MTAP: variants seen among roughly 807,000 people sequenced by gnomAD.
The protein encoded by MTAP is S-methyl-5'-thioadenosine phosphorylase.
A neutral mutation model predicts 33.6 loss-of-function variants in MTAP; 33 were observed. The observed-to-expected ratio is 0.98, with a 90% CI of 0.74 to 1.31. The LOEUF (loss-of-function observed/expected upper bound fraction) is 1.31. Among genes scored for constraint, MTAP ranks in the 40% most tolerant of loss-of-function variants. The pLI is 0.00. For synonymous variants in MTAP, 148 were observed against 125.7 expected (o/e 1.18, Z -1.19); for missense variants, 367 against 360.0 (o/e 1.02, Z -0.16).
chr9:21,885,807 TG>T, intron 1 of MTAP, among the ~76,000 whole-genome samples: 1 of 151,920 alleles, frequency 6.6e-6, no homozygotes, highest in African/African-American at 2.4e-5. Context: ...TGTGTGTGTG[TG>T]TGTGTGTGTG....
intron 6 of MTAP, chr9:21,856,135 A>T (rs963455370): frequency 3.0e-6 from 3 of 984,780 alleles, no homozygotes; most frequent in Non-Finnish European, 2.4e-6. Flanking sequence ...CCTGTCATTT[A>T]TCTCATTTTA....
intron 4 of MTAP, among the ~76,000 whole-genome samples, chr9:21,836,434 G>C (rs947559329): frequency 1.3e-5 from 2 of 152,162 alleles, no homozygotes; most frequent in Non-Finnish European, 2.9e-5. Context: ...GATGGGCAGA[G>C]GTAGATGAAA....
At chr9:21,856,188 A>G (rs1825639235) in intron 6 of MTAP, 3 of 985,254 alleles carry the variant, frequency 3.0e-6, no homozygotes, top group African/African-American at 1.7e-5. Flanking sequence ...TGAAGTAAGG[A>G]AAACATTTAG....
chr9:21,840,438 G>A (rs534316665), intron 5 of MTAP, among the ~76,000 whole-genome samples: 2 of 152,252 alleles, frequency 1.3e-5, no homozygotes, highest in South Asian at 2.1e-4. Flanking sequence ...AGTGTGAGTC[G>A]GGGAGAACCT....
intron 1 of MTAP, among the ~76,000 whole-genome samples, chr9:21,813,272 A>G (rs969235835): frequency 2.0e-5 from 3 of 152,192 alleles, no homozygotes; most frequent in Non-Finnish European, 4.4e-5. Flanking sequence ...CCCTCGCACA[A>G]TGTAGGTTTC....
chr9:21,833,934 ACT>A (rs1825036523), intron 4 of MTAP, among the ~76,000 whole-genome samples: 1 of 150,954 alleles, frequency 6.6e-6, no homozygotes, highest in African/African-American at 2.4e-5. Flanking sequence ...TCTTCCTTTC[ACT>A]CTCTTGAACT....
In MTAP at chr9:21,863,331, G is replaced by A. The variant is rs1825790560; in HGVS notation, c.*1317G>A. The A allele has an allele frequency of 1.0e-6, 1 of 982,762 alleles. No individual in the cohort carries two copies. Among genetic ancestry groups the A allele is most frequent in the Non-Finnish European group, 1.2e-6 (1 of 827,718 alleles). The allele number at this position is 982,762 out of a possible 1,614,324, so 60.9% of individuals were successfully genotyped here. On this transcript the variant is annotated 3_prime_UTR_variant, in exon 8 of 8. Coordinates refer to ENST00000644715, the MANE Select transcript of MTAP (RefSeq NM_002451.4). ...TTATAGAAATGCTTTTTGTTGGCCG[G>A]GCACAGTTGCTCATCCATGTAATCC... is the stretch of plus-strand genomic sequence containing the variant.
chr9:21,873,257 T>TA (rs1395403888), intron 1 of MTAP, among the ~76,000 whole-genome samples: 5 of 152,204 alleles, frequency 3.3e-5, no homozygotes, highest in African/African-American at 1.2e-4. Context: ...CTTGAGACTG[T>TA]AGGCGTCTAT....
downstream of MTAP, chr9:21,940,835 GTT>G (rs1432670227): frequency 5.5e-6 from 1 of 180,742 alleles, no homozygotes; most frequent in Non-Finnish European, 1.1e-5. Context: ...TAGTATGGAG[GTT>G]TTATTACATA....
In MTAP at chr9:21,859,437, C is replaced by G. The variant is rs752044817; in HGVS notation, c.813+12C>G. ...TCCATAACCTGAAGGTAAGTGTCAG[C>G]CATGGACAATCAGGCATGTCTGTAG... is the stretch of plus-strand genomic sequence containing the variant. On this transcript the variant is annotated intron_variant, in intron 7 of 7. Transcript: ENST00000644715. 5 of 1,602,502 alleles carry G rather than the reference C, an allele frequency of 3.1e-6. No homozygotes were observed. Among genetic ancestry groups the G allele is most frequent in the Non-Finnish European group, 3.4e-6 (4 of 1,176,294 alleles).
intron 1 of MTAP, among the ~76,000 whole-genome samples, chr9:21,889,517 A>G (rs1818165129): frequency 6.6e-6 from 1 of 152,052 alleles, no homozygotes; most frequent in Admixed American, 6.5e-5. Context: ...TGGGTAGATT[A>G]TGTCAGAGGA....
intron 1 of MTAP, chr9:21,930,803 C>T (rs1818945373): frequency 1.4e-6 from 1 of 699,904 alleles, no homozygotes; most frequent in African/African-American, 1.8e-5. Flanking sequence ...AAGTACAAAA[C>T]AACATCAGAC....
chr9:21,816,612 A>C (rs989722515), intron 2 of MTAP, 102 bp from the exon 3 acceptor site: 8 of 946,086 alleles, frequency 8.5e-6, no homozygotes, highest in Admixed American at 2.3e-5. Context: ...TTGTATCCTC[A>C]GACTCTTCAG....
intron 6 of MTAP, among the ~76,000 whole-genome samples, chr9:21,856,526 C>T (rs934289978): frequency 6.6e-6 from 1 of 152,190 alleles, no homozygotes; most frequent in African/African-American, 2.4e-5. Context: ...ATAGGAAACT[C>T]CAGCCCCTGC....
downstream of MTAP, chr9:21,932,541 TG>T (rs1818979553): frequency 6.6e-6 from 1 of 152,256 alleles, no homozygotes; most frequent in African/African-American, 2.4e-5. Flanking sequence ...TGGCTCCACC[TG>T]GACCCACCAA....
chr9:21,874,559 G>A (rs1825978473), intron 1 of MTAP, among the ~76,000 whole-genome samples: 1 of 151,988 alleles, frequency 6.6e-6, no homozygotes, highest in Non-Finnish European at 1.5e-5. Context: ...ACTTTGATTG[G>A]TTGTTTTAAA....
intron 1 of MTAP, among the ~76,000 whole-genome samples, chr9:21,814,702 TAA>T (rs927648973): frequency 6.6e-6 from 1 of 152,030 alleles, no homozygotes; most frequent in Non-Finnish European, 1.5e-5. Context: ...TGCATGAACT[TAA>T]AAAAAACTTA....
chr9:21,804,028 T>C (rs1824139765), intron 1 of MTAP, among the ~76,000 whole-genome samples: 1 of 152,234 alleles, frequency 6.6e-6, no homozygotes, highest in African/African-American at 2.4e-5. Flanking sequence ...CCTGCCTTCA[T>C]TGTTTGGCGG....
At chr9:21,894,990 AAGG>A (rs1209611376) in intron 1 of MTAP, among the ~76,000 whole-genome samples, 5 of 152,206 alleles carry the variant, frequency 3.3e-5, no homozygotes, top group Admixed American at 1.3e-4. Context: ...AGTTCTCCAC[AAGG>A]AGAATTACAA....
Sources: allele counts gnomAD v4.1 joint callset (sites outside exome capture counted in the v4.1 genomes callset), GRCh38; gene constraint gnomAD v4.1.1; transcripts MANE v1.5; gene names NCBI Gene and HGNC (gene_info 2026-07-23, HGNC 2026-07-21).